Variants in RIPOR3 observed in about 807,000 individuals in gnomAD.
The protein encoded by RIPOR3 is RIPOR family member 3.
RIPOR3 carries 95 observed loss-of-function variants against 114.3 expected under a neutral mutation model. That is an observed-to-expected ratio of 0.83 (90% CI 0.70 to 0.99). The LOEUF is 0.99. Ranked by LOEUF, RIPOR3 falls within the 50% of genes least tolerant of loss-of-function variation. RIPOR3 has a pLI of 0.00. For synonymous variants in RIPOR3, 575 were observed against 543.8 expected, an observed-to-expected ratio of 1.06 and a Z score of -0.80; for missense variants, 1,252 against 1,266.9, an observed-to-expected ratio of 0.99 and a Z score of 0.18.
intron 1 of RIPOR3, among the ~76,000 whole-genome samples, chr20:50,642,265 C>T (rs562266707): frequency 5.6e-4 from 85 of 151,402 alleles, no homozygotes; most frequent in Non-Finnish European, 8.2e-4. Flanking sequence ...TTGCTGGGAG[C>T]GGCTGATAAA....
chr20:50,618,717 A>G (rs1399917572), intron 3 of RIPOR3, among the ~76,000 whole-genome samples: 2 of 152,172 alleles, frequency 1.3e-5, no homozygotes, highest in Non-Finnish European at 2.9e-5. Context: ...TCAGCTCCAC[A>G]GGAGGTAGGG....
At chr20:50,594,248 C>G (rs965454679) in intron 17 of RIPOR3, among the ~76,000 whole-genome samples, 1 of 149,418 alleles carries the variant, frequency 6.7e-6, no homozygotes, top group African/African-American at 2.5e-5. Flanking sequence ...AGCACTATAG[C>G]CTGGGCGACA....
intron 1 of RIPOR3, among the ~76,000 whole-genome samples, chr20:50,662,474 T>C (rs6096051): frequency 0.28 from 43,111 of 152,082 alleles, 6,574 homozygotes; most frequent in African/African-American, 0.39. Flanking sequence ...GCCCAGGTGG[T>C]GGACTTCATA....
chr20:50,646,943 A>T (rs2085419495), intron 1 of RIPOR3, among the ~76,000 whole-genome samples: 1 of 152,212 alleles, frequency 6.6e-6, no homozygotes, highest in Non-Finnish European at 1.5e-5. Context: ...GGCTTGCTTC[A>T]TAGGGGCTCA....
At chr20:50,589,446 G>A (rs1419910781) in intron 20 of RIPOR3, among the ~76,000 whole-genome samples, 5 of 151,886 alleles carry the variant, frequency 3.3e-5, no homozygotes, top group Non-Finnish European at 5.9e-5. Flanking sequence ...GTGCCACCAC[G>A]CCTAGCTAAT....
At chr20:50,687,552 G>T (rs1194807694) in intron 1 of RIPOR3, among the ~76,000 whole-genome samples, 1 of 152,184 alleles carries the variant, frequency 6.6e-6, no homozygotes, top group African/African-American at 2.4e-5. Flanking sequence ...AGTGTGCATG[G>T]GCGAGTACAT....
intron 13 of RIPOR3, among the ~76,000 whole-genome samples, chr20:50,598,712 C>T (rs752537347): frequency 1.3e-5 from 2 of 152,072 alleles, no homozygotes; most frequent in Non-Finnish European, 2.9e-5. Flanking sequence ...CAAGACCAGC[C>T]TGGCCAACAT....
chr20:50,661,449 T>TG (rs2085993602), intron 1 of RIPOR3, among the ~76,000 whole-genome samples: 1 of 152,136 alleles, frequency 6.6e-6, no homozygotes, highest in African/African-American at 2.4e-5. Flanking sequence ...AACCTGAAAT[T>TG]GGTAGAGTAG....
chr20:50,635,870 G>A (rs534461698), intron 1 of RIPOR3, among the ~76,000 whole-genome samples: 26 of 152,328 alleles, frequency 1.7e-4, no homozygotes, highest in African/African-American at 6.0e-4. Context: ...CCCCTCCCAG[G>A]AGCCAGACCT....
intron 13 of RIPOR3, 90 bp downstream of exon 13, chr20:50,601,982 G>T: frequency 7.7e-7 from 1 of 1,294,680 alleles, no homozygotes; most frequent in Non-Finnish European, 1.0e-6. Context: ...CCAGGATGTC[G>T]GCCCAGGCTG....
chr20:50,682,246 GA>G (rs1002857740), intron 1 of RIPOR3, among the ~76,000 whole-genome samples: 1 of 152,184 alleles, frequency 6.6e-6, no homozygotes, highest in African/African-American at 2.4e-5. Flanking sequence ...ACACAGCAGA[GA>G]AAAGTGAATG....
chr20:50,587,125 C>T lies in RIPOR3; in HGVS notation c.*107G>A. The T allele has an allele frequency of 1.2e-6, 1 of 836,130 alleles. No homozygotes were observed. Among genetic ancestry groups the T allele is most frequent in the East Asian group, 2.6e-5 (1 of 38,162 alleles). The allele number at this position is 836,130 out of a possible 1,614,324, so 51.8% of individuals were successfully genotyped here. A position where few individuals can be genotyped will look rare whatever the true frequency, so the allele number is the denominator to read the frequency against. ...CTCAGGTAGAGCTCTGGGCAGCTCA[C>T]ACTCCTGGAGGAGTGCACAGCACCA... On this transcript the variant is annotated 3_prime_UTR_variant, in exon 22 of 22. Transcript: ENST00000327979.
chr20:50,617,632 T>C (rs1417603358), intron 3 of RIPOR3, among the ~76,000 whole-genome samples: 1 of 146,326 alleles, frequency 6.8e-6, no homozygotes, highest in Admixed American at 6.8e-5. Context: ...GTTTCCCTTT[T>C]TTTTTTTTTT....
chr20:50,663,317 G>A (rs747670626), intron 1 of RIPOR3, among the ~76,000 whole-genome samples: 3 of 152,050 alleles, frequency 2.0e-5, no homozygotes, highest in Non-Finnish European at 4.4e-5. Context: ...TGGCTACAAC[G>A]TGCTTAATGA....
chr20:50,667,325 G>A lies in RIPOR3; in HGVS notation c.3+23801C>T, dbSNP rs1354369288. Among the ~76,000 whole-genome samples the A allele has an allele frequency of 4.3e-5, 5 of 115,912 alleles. 1 individual carries two copies. Among genetic ancestry groups the A allele is most frequent in the African/African-American group, 1.7e-4 (5 of 29,332 alleles). The allele number at this position is 115,912 out of a possible 152,430, so 76.0% of individuals were successfully genotyped here. A position where few individuals can be genotyped will look rare whatever the true frequency, so the allele number is the denominator to read the frequency against. ...TTTTTTTTTTTTGAGAGGGAGTCTC[G>A]CTCTGTTACCCAGGCTGGAGTGCAA... On this transcript the variant is annotated intron_variant, in intron 1 of 21. Coordinates refer to ENST00000327979, the MANE Select transcript of RIPOR3 (RefSeq NM_001290268.2).
At chr20:50,591,916 G>A (rs2083120483) in intron 19 of RIPOR3, among the ~76,000 whole-genome samples, 1 of 152,204 alleles carries the variant, frequency 6.6e-6, no homozygotes, top group Non-Finnish European at 1.5e-5. Context: ...CCAACATGGT[G>A]AAACCCTGTA....
intron 11 of RIPOR3, among the ~76,000 whole-genome samples, chr20:50,606,567 G>A (rs969693223): frequency 6.6e-5 from 10 of 152,154 alleles, no homozygotes; most frequent in South Asian, 2.1e-4. Flanking sequence ...TGCATAGGGC[G>A]CCATCCACCT....
intron 1 of RIPOR3, chr20:50,645,578 T>C (rs992640106): frequency 6.6e-6 from 1 of 152,436 alleles, no homozygotes; most frequent in Non-Finnish European, 1.5e-5. Flanking sequence ...CTAAGGGCAC[T>C]GGGAACCCTG....
intron 3 of RIPOR3, among the ~76,000 whole-genome samples, chr20:50,619,302 G>T (rs1018532847): frequency 6.6e-6 from 1 of 151,916 alleles, no homozygotes; most frequent in African/African-American, 2.4e-5. Flanking sequence ...TTAGCCAGGT[G>T]TGATGGTGCG....
Sources: allele counts gnomAD v4.1 joint callset (sites outside exome capture counted in the v4.1 genomes callset), GRCh38; gene constraint gnomAD v4.1.1; transcripts MANE v1.5; gene names NCBI Gene and HGNC (gene_info 2026-07-23, HGNC 2026-07-21).